ALDH2: variants seen among roughly 807,000 people sequenced by gnomAD.
The protein encoded by ALDH2 is aldehyde dehydrogenase, mitochondrial.
In ALDH2, 44 loss-of-function variants were observed where a neutral mutation model predicts 59.6. The observed-to-expected ratio is 0.74, with a 90% confidence interval of 0.58 to 0.95. The LOEUF (loss-of-function observed/expected upper bound fraction) is 0.95. Among genes scored for constraint, ALDH2 ranks in the 40% least tolerant of loss-of-function variants. ALDH2 has a pLI of 0.00. For synonymous variants in ALDH2, 291 were observed against 284.0 expected (o/e 1.02, Z -0.25); for missense variants, 570 against 696.3 (o/e 0.82, Z 2.04).
At chr12:111,806,157 CA>C (rs1246937299) in intron 12 of ALDH2, among the ~76,000 whole-genome samples, 2 of 151,184 alleles carry the variant, frequency 1.3e-5, no homozygotes, top group African/African-American at 4.9e-5. Context: ...ACTAAAAATA[CA>C]AAAACAAAAT....
At chr12:111,780,588 G>T (rs2068264410) in intron 1 of ALDH2, among the ~76,000 whole-genome samples, 1 of 152,086 alleles carries the variant, frequency 6.6e-6, no homozygotes, top group South Asian at 2.1e-4. Flanking sequence ...AGGGTGACCT[G>T]CCCCTACCAC....
At chr12:111,785,923 G>T (rs1353998931) in intron 4 of ALDH2, among the ~76,000 whole-genome samples, 1 of 152,042 alleles carries the variant, frequency 6.6e-6, no homozygotes, top group Non-Finnish European at 1.5e-5. Flanking sequence ...TTTTATCGAG[G>T]TTATCTAATT....
rs370850207 is a variant in ALDH2, at chr12:111,792,722, C to T, written c.1023C>T (p.Ala341=). Residue 341 remains alanine (A), a synonymous_variant, in exon 9 of 13, where the codon GCC becomes GCT. Transcript: ENST00000261733. ...IYDEFVERSV[A]RAKSRVVGNP... Reference sequence around the variant, plus strand: ...ATGAGTTTGTGGAGCGGAGCGTTGCCCGGGCCAAGTCTCGGGTGGTCGGGA... The same window carrying T: ...ATGAGTTTGTGGAGCGGAGCGTTGCTCGGGCCAAGTCTCGGGTGGTCGGGA... 9.7e-5 allele frequency: 153 copies of T among 1,583,444 alleles called. No individual in the cohort carries two copies. Among genetic ancestry groups the T allele is most frequent in the Admixed American group, 2.7e-4 (15 of 55,330 alleles).
intron 3 of ALDH2, 72 bp from the exon 4 acceptor site, chr12:111,785,195 C>T (rs1042523900): frequency 3.3e-5 from 42 of 1,261,458 alleles, no homozygotes; most frequent in Middle Eastern, 1.9e-4. Context: ...CCAGCCTTGG[C>T]GCCCTCTGTC....
At chr12:111,804,036 G>A (rs781074160) in intron 12 of ALDH2, 63 bp downstream of exon 12, 659 of 1,263,856 alleles carry the variant, frequency 5.2e-4, no homozygotes, top group Non-Finnish European at 6.1e-4. Context: ...CTGGTGGCTC[G>A]GAGCCTGCTG....
At chr12:111,802,411 CAAAAAAAAAA>C (rs58247934) in intron 11 of ALDH2, among the ~76,000 whole-genome samples, 1 of 86,620 alleles carries the variant, frequency 1.2e-5, no homozygotes, top group African/African-American at 3.8e-5. Flanking sequence ...GACTCTGTCT[CAAAAAAAAAA>C]AAAAAAAAAA....
intron 11 of ALDH2, among the ~76,000 whole-genome samples, chr12:111,801,260 C>T (rs2068449174): frequency 1.3e-5 from 2 of 152,146 alleles, no homozygotes; most frequent in South Asian, 4.1e-4. Flanking sequence ...AAAGACCTGG[C>T]CCCATGATTC....
Position 111,767,050 on chromosome 12 carries a change from A to G in ALDH2, c.68A>G (p.Gln23Arg), listed in dbSNP as rs1330573776. The change falls in exon 1 of 13, where the codon CAG becomes CGG. Residue 23 changes from glutamine (Q) to arginine (R), a missense_variant. By Grantham distance (43) the Gln-to-Arg change is conservative. Coordinates refer to ENST00000261733, the MANE Select transcript of ALDH2 (RefSeq NM_000690.4). ...GRRLLSAAAT[Q>R]AVPAPNQQPE... ...CGCCTCTTGTCAGCCGCCGCCACCC[A>G]GGCCGTGCCTGCCCCCAACCAGCAG... The G allele has an allele frequency of 2.6e-6, 4 of 1,528,890 alleles. No homozygotes were observed. Among genetic ancestry groups the G allele is most frequent in the Non-Finnish European group, 3.5e-6 (4 of 1,143,958 alleles). 94.7% of individuals were successfully genotyped at this position (1,528,890 alleles called of 1,614,324 possible).
chr12:111,799,804 G>A (rs1206691856), intron 10 of ALDH2, 102 bp from the exon 11 acceptor site: 1 of 1,373,926 alleles, frequency 7.3e-7, no homozygotes, highest in Non-Finnish European at 9.9e-7. Flanking sequence ...GCATGGCTGG[G>A]GGCTTATCCC....
At position 111,790,532 on chromosome 12, in the gene ALDH2, C is replaced by G; in HGVS notation, c.651C>G (p.Thr217=). The G allele has an allele frequency of 6.2e-7, 1 of 1,614,156 alleles. No individual in the cohort carries two copies. Among genetic ancestry groups the G allele is most frequent in the African/African-American group, 1.3e-5 (1 of 75,030 alleles). Residue 217 remains threonine, a synonymous_variant, in exon 6 of 13, where the codon ACC becomes ACG. Coordinates refer to ENST00000261733, the MANE Select transcript of ALDH2 (RefSeq NM_000690.4). ...VMKVAEQTPL[T]ALYVANLIKE... is the part of the protein sequence containing the mutation. ...AGGTAGCTGAGCAGACACCCCTCACCGCCCTCTATGTGGCCAACCTGATCA... is the reference window on the plus strand; with the variant it reads ...AGGTAGCTGAGCAGACACCCCTCACGGCCCTCTATGTGGCCAACCTGATCA...
At chr12:111,803,743 A>G (rs1295288204) in intron 11 of ALDH2, 116 bp from the exon 12 acceptor site, 9 of 638,598 alleles carry the variant, frequency 1.4e-5, no homozygotes, top group Non-Finnish European at 1.6e-5. Flanking sequence ...TCTCAAAAAA[A>G]AAAATTTTTT....
chr12:111,792,799 C>T lies in ALDH2; in HGVS notation c.1083+17C>T, dbSNP rs373652700. The T allele has an allele frequency of 9.1e-6, 14 of 1,543,280 alleles. No homozygotes were observed. The highest frequency in any genetic ancestry group is 2.7e-5 in the African/African-American group (2 of 72,920). On this transcript the variant is annotated intron_variant, in intron 9 of 12. Coordinates refer to ENST00000261733, the MANE Select transcript of ALDH2 (RefSeq NM_000690.4). ...GGGCCGCAGGTGAGCCAGGCAGTGC[C>T]GCAGGGTCTGGGTGTCTAGAGCCAG...
chr12:111,771,877 T>C (rs1190810063), intron 1 of ALDH2, among the ~76,000 whole-genome samples: 1 of 152,124 alleles, frequency 6.6e-6, no homozygotes, highest in Non-Finnish European at 1.5e-5. Flanking sequence ...GGCGGGCAGA[T>C]TGCTTGAGCA....
intron 3 of ALDH2, among the ~76,000 whole-genome samples, 193 bp downstream of exon 3, chr12:111,783,491 T>A (rs1178975484): frequency 1.3e-5 from 2 of 152,066 alleles, no homozygotes; most frequent in Non-Finnish European, 1.5e-5. Flanking sequence ...TTTCAGTGTC[T>A]CCTTTGTTTT....
chr12:111,807,500 A>G lies in ALDH2; in HGVS notation c.1522-2043A>G, dbSNP rs368665921. On this transcript the variant is annotated intron_variant, in intron 12 of 12. Coordinates refer to ENST00000261733, the MANE Select transcript of ALDH2 (RefSeq NM_000690.4). ...GTTATGACATCGGATAAAAGGTCCAACTTCAGTTGGTGAGTCTTAAATCTT... is the reference window on the plus strand; with the variant it reads ...GTTATGACATCGGATAAAAGGTCCAGCTTCAGTTGGTGAGTCTTAAATCTT... 4.6e-5 allele frequency among the ~76,000 whole-genome samples: 7 copies of G among 152,242 alleles called. No individual in the cohort carries two copies. The East Asian group carries it at 9.6e-4, about 21-fold the overall frequency.
intron 11 of ALDH2, among the ~76,000 whole-genome samples, chr12:111,800,867 A>G (rs577081910): frequency 1.1e-4 from 17 of 152,306 alleles, no homozygotes; most frequent in African/African-American, 4.1e-4. Flanking sequence ...AAACGTGTAT[A>G]TGAATCTTCA....
At chr12:111,780,864 TGCAATCCCA>T (rs2136012450) in intron 1 of ALDH2, among the ~76,000 whole-genome samples, 1 of 152,280 alleles carries the variant, frequency 6.6e-6, no homozygotes, top group Admixed American at 6.5e-5. Flanking sequence ...GACTCACACC[TGCAATCCCA>T]GGACCTTGGG....
At chr12:111,798,923 C>T (rs954423808) in intron 10 of ALDH2, among the ~76,000 whole-genome samples, 1 of 151,562 alleles carries the variant, frequency 6.6e-6, no homozygotes, top group Non-Finnish European at 1.5e-5. Flanking sequence ...GCAGGAGAAT[C>T]GCTTGAACCT....
Position 111,798,227 on chromosome 12 carries a change from C to T in ALDH2, c.1233C>T (p.Thr411=). The T allele has an allele frequency of 6.4e-7, 1 of 1,561,542 alleles. No individual in the cohort carries two copies. The part of the protein sequence containing the change: ...TVFGDVQDGM[T]IAKEEIFGPV... ...TTGGAGATGTGCAGGATGGCATGAC[C>T]ATCGCCAAGGAGGAGGTGAGCACTT... Residue 411 remains threonine (T), a synonymous_variant, in exon 10 of 13, where the codon ACC becomes ACT. Coordinates refer to ENST00000261733, the MANE Select transcript of ALDH2 (RefSeq NM_000690.4).
Sources: gnomAD v4.1 joint callset for allele counts (sites outside exome capture counted in the v4.1 genomes callset) on GRCh38, gnomAD v4.1.1 for gene constraint, MANE v1.5 for transcripts, NCBI Gene and HGNC (gene_info 2026-07-23, HGNC 2026-07-21) for gene names.